LRRTM4: variants seen among roughly 807,000 people sequenced by gnomAD.
LRRTM4 encodes leucine rich repeat transmembrane neuronal 4, also known as leucine-rich repeat transmembrane neuronal protein 4.
Under a neutral mutation model 47.6 loss-of-function variants are expected in LRRTM4, and 25 were observed. That is an observed-to-expected ratio of 0.53 (90% confidence interval 0.38 to 0.73). The LOEUF (loss-of-function observed/expected upper bound fraction) is 0.73, where lower values mean the gene tolerates loss of function less well. Ranked by LOEUF, LRRTM4 falls within the 30% of genes least tolerant of loss-of-function variation. LRRTM4 has a pLI of 0.00. For missense variants in LRRTM4, 638 were observed against 713.4 expected, an observed-to-expected ratio of 0.89 and a Z score of 1.20; for synonymous variants, 311 against 269.5, an observed-to-expected ratio of 1.15 and a Z score of -1.51.
intron 3 of LRRTM4, among the ~76,000 whole-genome samples, chr2:77,416,822 C>T (rs1674652265): frequency 6.6e-6 from 1 of 151,902 alleles, no homozygotes; most frequent in South Asian, 2.1e-4. Flanking sequence ...ATAAAGAGGT[C>T]CAGTAAAATA....
chr2:77,210,613 C>A (rs1674264847), intron 3 of LRRTM4, among the ~76,000 whole-genome samples: 1 of 151,916 alleles, frequency 6.6e-6, no homozygotes, highest in African/African-American at 2.4e-5. Flanking sequence ...TCACCGTGGG[C>A]CAAACAGCTG....
At chr2:77,427,582 A>G (rs1049546854) in intron 3 of LRRTM4, among the ~76,000 whole-genome samples, 1 of 152,210 alleles carries the variant, frequency 6.6e-6, no homozygotes, top group African/African-American at 2.4e-5. Context: ...TTAGAGCAAT[A>G]TGAGTTTTGC....
intron 3 of LRRTM4, among the ~76,000 whole-genome samples, chr2:76,860,186 T>G (rs1672271915): frequency 6.6e-6 from 1 of 152,172 alleles, no homozygotes; most frequent in Non-Finnish European, 1.5e-5. Context: ...GTTCTCAGTC[T>G]TCAAATAGCC....
intron 3 of LRRTM4, among the ~76,000 whole-genome samples, chr2:76,944,020 T>A (rs1675242023): frequency 6.6e-6 from 1 of 152,122 alleles, no homozygotes. Context: ...TCAATGCAAT[T>A]TCTATATTGA....
intron 3 of LRRTM4, among the ~76,000 whole-genome samples, chr2:77,191,223 A>G (rs1254393095): frequency 6.6e-6 from 1 of 152,154 alleles, no homozygotes; most frequent in East Asian, 1.9e-4. Flanking sequence ...TAAATTCATG[A>G]TTAAAAAAAC....
At chr2:77,439,835 A>G (rs1675762324) in intron 3 of LRRTM4, among the ~76,000 whole-genome samples, 1 of 152,148 alleles carries the variant, frequency 6.6e-6, no homozygotes, top group Admixed American at 6.5e-5. Flanking sequence ...AACTATGTAA[A>G]CGGCAATATC....
chr2:77,388,092 G>A (rs1673355030), intron 3 of LRRTM4, among the ~76,000 whole-genome samples: 1 of 151,676 alleles, frequency 6.6e-6, no homozygotes, highest in African/African-American at 2.4e-5. Flanking sequence ...TTGCCTGAGA[G>A]TGTGATGCAG....
intron 3 of LRRTM4, among the ~76,000 whole-genome samples, chr2:76,990,509 G>A (rs531544822): frequency 6.6e-6 from 1 of 151,662 alleles, no homozygotes; most frequent in East Asian, 1.9e-4. Flanking sequence ...CCTTCTATCA[G>A]ATAAAACAGA....
intron 3 of LRRTM4, among the ~76,000 whole-genome samples, chr2:77,097,796 AC>A (rs1344062526): frequency 6.6e-6 from 1 of 151,986 alleles, no homozygotes; most frequent in Non-Finnish European, 1.5e-5. Flanking sequence ...ACAATGTGAC[AC>A]AAAAATGTAA....
At chr2:77,360,843 G>A (rs36044289) in intron 3 of LRRTM4, among the ~76,000 whole-genome samples, 39,503 of 151,778 alleles carry the variant, frequency 0.26, 6,206 homozygotes, top group East Asian at 0.37. Flanking sequence ...TTTTTACTTT[G>A]TAATTTTCTC....
intron 3 of LRRTM4, among the ~76,000 whole-genome samples, chr2:76,875,544 G>T (rs1266921825): frequency 1.3e-5 from 2 of 152,120 alleles, no homozygotes; most frequent in African/African-American, 2.4e-5. Flanking sequence ...TAATTAAGAT[G>T]CATGTCTATC....
At chr2:77,509,940 A>G (rs1331100008) in intron 3 of LRRTM4, among the ~76,000 whole-genome samples, 1 of 152,132 alleles carries the variant, frequency 6.6e-6, no homozygotes, top group Non-Finnish European at 1.5e-5. Context: ...TTGACCATCA[A>G]CCTAAAGTAC....
At chr2:77,299,475 G>A (rs1444984135) in intron 3 of LRRTM4, among the ~76,000 whole-genome samples, 3 of 151,920 alleles carry the variant, frequency 2.0e-5, no homozygotes, top group Non-Finnish European at 4.4e-5. Context: ...AGTGGTAAAG[G>A]ATAATTAATT....
intron 3 of LRRTM4, among the ~76,000 whole-genome samples, chr2:77,012,720 G>C (rs545650923): frequency 6.6e-6 from 1 of 152,262 alleles, no homozygotes; most frequent in Admixed American, 6.5e-5. Context: ...TGATTATGCA[G>C]CAATTCAGCA....
intron 3 of LRRTM4, among the ~76,000 whole-genome samples, chr2:76,839,103 G>T (rs1349295081): frequency 2.0e-5 from 3 of 152,028 alleles, no homozygotes; most frequent in Admixed American, 1.3e-4. Context: ...TTCTCCCAAG[G>T]ATATTTACCA....
rs144508142 is a variant in LRRTM4 at position 77,164,201 on chromosome 2, A to T, written c.1551+354117T>A. Among the ~76,000 whole-genome samples the T allele has an allele frequency of 8.7e-3, 1,323 of 152,312 alleles. 28 individuals are homozygous for T. The highest frequency in any genetic ancestry group is 0.031 in the African/African-American group (1,271 of 41,552). ...ACAGACTTTAAACCAACAAAGATCAAAAGAGACAAAGCAGGTCATTACATA... is the reference window on the plus strand; with the variant it reads ...ACAGACTTTAAACCAACAAAGATCATAAGAGACAAAGCAGGTCATTACATA... On this transcript the variant is annotated intron_variant, in intron 3 of 3. Transcript: ENST00000409884.
chr2:76,751,701 A>T (rs1672855035), intron 3 of LRRTM4, among the ~76,000 whole-genome samples: 1 of 152,152 alleles, frequency 6.6e-6, no homozygotes, highest in Non-Finnish European at 1.5e-5. Context: ...TATTTTAGGA[A>T]ACCTCATAGG....
At chr2:77,042,036 G>A (rs1284686175) in intron 3 of LRRTM4, among the ~76,000 whole-genome samples, 2 of 151,310 alleles carry the variant, frequency 1.3e-5, no homozygotes, top group African/African-American at 2.4e-5. Flanking sequence ...AATGCAATGT[G>A]TAATTCAATA....
chr2:77,143,221 C>A (rs545276983), intron 3 of LRRTM4, among the ~76,000 whole-genome samples: 1 of 152,230 alleles, frequency 6.6e-6, no homozygotes, highest in South Asian at 2.1e-4. Context: ...GAATTCATAT[C>A]CAGATTGGAT....
Sources: gnomAD v4.1 joint callset for allele counts (sites outside exome capture counted in the v4.1 genomes callset) on GRCh38, gnomAD v4.1.1 for gene constraint, MANE v1.5 for transcripts, NCBI Gene and HGNC (gene_info 2026-07-23, HGNC 2026-07-21) for gene names.